Variants in TAX1BP3 observed in about 807,000 individuals in gnomAD.
TAX1BP3 encodes tax1-binding protein 3.
Under a neutral mutation model 15.3 loss-of-function variants are expected in TAX1BP3, and 13 were observed. The ratio of observed to expected loss-of-function variants is 0.85; its 90% CI spans 0.55 to 1.35. The LOEUF (loss-of-function observed/expected upper bound fraction) is 1.35, where lower values mean the gene tolerates loss of function less well. Ranked by LOEUF, TAX1BP3 falls within the 40% of genes most tolerant of loss-of-function variation. The probability of loss-of-function intolerance (pLI) is 0.00; values close to 1 mark genes in which losing one functional copy is unlikely to be tolerated. For missense variants in TAX1BP3, 147 were observed against 169.6 expected (o/e 0.87, Z 0.74); for synonymous variants, 70 against 66.0 (o/e 1.06, Z -0.30).
At chr17:3,665,022 GTTAGTC>G (rs2076323643) in intron 1 of TAX1BP3, among the ~76,000 whole-genome samples, 1 of 152,168 alleles carries the variant, frequency 6.6e-6, no homozygotes. Flanking sequence ...CACTTCCCCT[GTTAGTC>G]TTAGGCACTA....
rs375177174 is a variant in TAX1BP3 at position 3,664,679 on chromosome 17, C to A, written c.159G>T (p.Lys53Asn). 17 of 1,613,814 alleles carry A rather than the reference C, an allele frequency of 1.1e-5. No homozygotes were observed. The highest frequency in any genetic ancestry group is 1.3e-5 in the Non-Finnish European group (15 of 1,179,988). ...QNPFSEDKTDKGIYVTRVSEG... is the reference protein window; with the variant it reads ...QNPFSEDKTDNGIYVTRVSEG... ...GTCCCAGGACCCCAGACCCCCTCAC[C>A]TTGTCCGTCTTGTCTTCAGAGAAGG... Residue 53 changes from lysine to asparagine, a missense_variant and splice_region_variant, in exon 2 of 4, where the codon AAG (lysine) becomes AAT (asparagine). Transcript: ENST00000225525.
In TAX1BP3 at chr17:3,668,445, G is replaced by A. The variant is rs557933434; in HGVS notation, c.39+43C>T. 6 of 1,598,602 alleles carry A rather than the reference G, an allele frequency of 3.8e-6. No homozygotes were observed. The highest frequency in any genetic ancestry group is 5.1e-6 in the Non-Finnish European group (6 of 1,173,288). On this transcript the variant is annotated intron_variant, in intron 1 of 3. Coordinates refer to ENST00000225525, the MANE Select transcript of TAX1BP3 (RefSeq NM_014604.4). This position sits in a 1 kb window ranked among gnomAD's most constrained non-coding sequence, Gnocchi z 4.1. The stretch of plus-strand genomic sequence containing the variant: ...TGTCCGTTTCCCGCTCTGCGAGGTG[G>A]GGTCAGGCCAAGACGAGGAGGAGCC...
rs547177128 is a variant in TAX1BP3 at position 3,664,686 on chromosome 17, G to A, written c.152C>T (p.Thr51Met). 47 of 1,613,674 alleles carry A rather than the reference G, an allele frequency of 2.9e-5. No individual in the cohort carries two copies. Among genetic ancestry groups the A allele is most frequent in the African/African-American group, 6.7e-5 (5 of 75,030 alleles). The change falls in exon 2 of 4, where the codon ACG becomes ATG. Residue 51 changes from threonine (T) to methionine (M), a missense_variant. Thr to Met is a moderately conservative substitution (Grantham distance 81). Transcript: ENST00000225525. ...GACCCCAGACCCCCTCACCTTGTCCGTCTTGTCTTCAGAGAAGGGATTCTG... is the reference window on the plus strand; with the variant it reads ...GACCCCAGACCCCCTCACCTTGTCCATCTTGTCTTCAGAGAAGGGATTCTG... The part of the protein sequence containing the change: ...PSQNPFSEDK[T>M]DKGIYVTRVS...
rs547155693 is a variant in TAX1BP3, at chr17:3,668,026, G to A, written c.39+462C>T. Among the ~76,000 whole-genome samples, 1 of 152,266 alleles carries A rather than the reference G, an allele frequency of 6.6e-6. No homozygotes were observed. Among genetic ancestry groups the A allele is most frequent in the East Asian group, 1.9e-4 (1 of 5,206 alleles). On this transcript the variant is annotated intron_variant, in intron 1 of 3. Coordinates refer to ENST00000225525, the MANE Select transcript of TAX1BP3 (RefSeq NM_014604.4). The surrounding 1 kb of genome is among the most constrained non-coding windows in gnomAD (Gnocchi z 4.1). ...CAAGGCTGGACAGGAAGGGGGCAGGGGCTGCCACGGCAGGCTCGGGAGAGC... is the reference window on the plus strand; with the variant it reads ...CAAGGCTGGACAGGAAGGGGGCAGGAGCTGCCACGGCAGGCTCGGGAGAGC...
At position 3,668,476 on chromosome 17, in the gene TAX1BP3, A is replaced by T. The variant is rs909940641; in HGVS notation, c.39+12T>A. On this transcript the variant is annotated intron_variant, in intron 1 of 3. Transcript: ENST00000225525. The surrounding 1 kb of genome is among the most constrained non-coding windows in gnomAD (Gnocchi z 4.1). ...GGCCAAGACGAGGAGGAGCCCGCGC[A>T]AGCGCACTCACCACCACGGCGGTGA... is the stretch of plus-strand genomic sequence containing the variant. 6.2e-7 allele frequency: 1 copy of T among 1,608,192 alleles called. No individual in the cohort carries two copies.
intron 2 of TAX1BP3, 190 bp downstream of exon 2, chr17:3,664,489 G>T: frequency 1.0e-6 from 1 of 968,504 alleles, no homozygotes; most frequent in Non-Finnish European, 1.6e-6. Context: ...TGCTCCTCCT[G>T]GGCTCTGTCT....
Position 3,663,584 on chromosome 17 carries a change from A to C in TAX1BP3, c.*164T>G. ...AAGCCGGTCCCAGAGGCCCCAGGCC[A>C]GGGATGGGAGAAGGGAAGGAAGGCC... On this transcript the variant is annotated 3_prime_UTR_variant, in exon 4 of 4. Coordinates refer to ENST00000225525, the MANE Select transcript of TAX1BP3 (RefSeq NM_014604.4). 4.8e-6 allele frequency: 5 copies of C among 1,051,808 alleles called. No individual in the cohort carries two copies. The highest frequency in any genetic ancestry group is 2.8e-5 in the East Asian group (1 of 36,230). The allele number at this position is 1,051,808 out of a possible 1,614,324, so 65.2% of individuals were successfully genotyped here.
Position 3,663,671 on chromosome 17 carries a change from C to A in TAX1BP3, c.*77G>T. ...GCTGGGGCCCAGCGGTCAGCAGAAG[C>A]CAGATGGGGACAGAGTGTGGAAGTG... On this transcript the variant is annotated 3_prime_UTR_variant, in exon 4 of 4. Coordinates refer to ENST00000225525, the MANE Select transcript of TAX1BP3 (RefSeq NM_014604.4). The A allele has an allele frequency of 6.5e-7, 1 of 1,527,210 alleles. No homozygotes were observed. 94.6% of individuals were successfully genotyped at this position (1,527,210 alleles called of 1,614,324 possible).
chr17:3,663,511 C>T lies in TAX1BP3; in HGVS notation c.*237G>A. 1 of 493,198 alleles carries T rather than the reference C, an allele frequency of 2.0e-6. No homozygotes were observed. The highest frequency in any genetic ancestry group is 5.0e-5 in the South Asian group (1 of 20,042). The allele number at this position is 493,198 out of a possible 1,614,324, so 30.6% of individuals were successfully genotyped here. On this transcript the variant is annotated 3_prime_UTR_variant, in exon 4 of 4. Coordinates refer to ENST00000225525, the MANE Select transcript of TAX1BP3 (RefSeq NM_014604.4). The stretch of plus-strand genomic sequence containing the variant: ...GCCTGTGGTCACAGCAGACTGGCTA[C>T]TACTCAGCTCCAGGCCCTTATTTCC...
At chr17:3,665,168 A>G in intron 1 of TAX1BP3, 1 of 867,872 alleles carries the variant, frequency 1.2e-6, no homozygotes, top group Non-Finnish European at 1.9e-6. Flanking sequence ...TAGAAAGGAG[A>G]GGAAGGGGTT....
At chr17:3,666,442 A>G (rs1446242711) in intron 1 of TAX1BP3, among the ~76,000 whole-genome samples, 2 of 152,192 alleles carry the variant, frequency 1.3e-5, no homozygotes, top group African/African-American at 4.8e-5. Flanking sequence ...AGAGGAGTCA[A>G]GAGGAGCACC....
intron 3 of TAX1BP3, 39 bp from the exon 4 acceptor site, chr17:3,663,924 C>G: frequency 6.3e-7 from 1 of 1,586,108 alleles, no homozygotes; most frequent in Admixed American, 1.7e-5. Context: ...CTCAGCTCCC[C>G]GCCCTCTGGG....
chr17:3,663,486 G>C lies in TAX1BP3; in HGVS notation c.*262C>G, dbSNP rs907530837. 1.3e-5 allele frequency: 5 copies of C among 393,856 alleles called. No homozygotes were observed. Among genetic ancestry groups the C allele is most frequent in the Non-Finnish European group, 2.2e-5 (5 of 227,030 alleles). 24.4% of individuals were successfully genotyped at this position (393,856 alleles called of 1,614,324 possible). On this transcript the variant is annotated 3_prime_UTR_variant, in exon 4 of 4. Coordinates refer to ENST00000225525, the MANE Select transcript of TAX1BP3 (RefSeq NM_014604.4). ...GGCCAAGCAGCAGGGTCGGACCTGAGCCTGTGGTCACAGCAGACTGGCTAC... is the reference window on the plus strand; with the variant it reads ...GGCCAAGCAGCAGGGTCGGACCTGACCCTGTGGTCACAGCAGACTGGCTAC...
rs2076361130 is a variant in TAX1BP3, at chr17:3,668,075, G to T, written c.39+413C>A. Among the ~76,000 whole-genome samples, 1 of 152,260 alleles carries T rather than the reference G, an allele frequency of 6.6e-6. No individual in the cohort carries two copies. Among genetic ancestry groups the T allele is most frequent in the African/African-American group, 2.4e-5 (1 of 41,474 alleles). Reference sequence around the variant, plus strand: ...GCCCCACCCCCAGATCTCCCTCCGGGCGGCGGCGCAGGCTGCAGCGGAGGA... The same window carrying T: ...GCCCCACCCCCAGATCTCCCTCCGGTCGGCGGCGCAGGCTGCAGCGGAGGA... On this transcript the variant is annotated intron_variant, in intron 1 of 3. Transcript: ENST00000225525. This position sits in a 1 kb window ranked among gnomAD's most constrained non-coding sequence, Gnocchi z 4.1.
At chr17:3,664,477 CCTG>C in intron 2 of TAX1BP3, 199 bp downstream of exon 2, 1 of 937,172 alleles carries the variant, frequency 1.1e-6, no homozygotes, top group Non-Finnish European at 1.6e-6. Context: ...ATGGCCGCCT[CCTG>C]CTCCTCCTGG....
chr17:3,666,887 T>A (rs1254510570), intron 1 of TAX1BP3, among the ~76,000 whole-genome samples: 1 of 152,144 alleles, frequency 6.6e-6, no homozygotes, highest in Non-Finnish European at 1.5e-5. Flanking sequence ...GCCGGCACGG[T>A]CAGAAGATTA....
intron 1 of TAX1BP3, among the ~76,000 whole-genome samples, chr17:3,667,910 G>A (rs1367093582): frequency 6.6e-6 from 1 of 152,238 alleles, no homozygotes; most frequent in Non-Finnish European, 1.5e-5. Context: ...TGCCTTAAGG[G>A]CTGGAGACCC....
chr17:3,668,294 C>T lies in TAX1BP3; in HGVS notation c.39+194G>A, dbSNP rs2076363815. Among the ~76,000 whole-genome samples the T allele has an allele frequency of 6.6e-6, 1 of 152,208 alleles. No homozygotes were observed. Among genetic ancestry groups the T allele is most frequent in the African/African-American group, 2.4e-5 (1 of 41,464 alleles). ...TCTGTCCAGGGTCTCGGGAGGCTCT[C>T]GGGTCCCGGCCATCCCTGTTTCGTG... On this transcript the variant is annotated intron_variant, in intron 1 of 3. Transcript: ENST00000225525. This position sits in a 1 kb window ranked among gnomAD's most constrained non-coding sequence, Gnocchi z 4.1.
chr17:3,663,753 A>T lies in TAX1BP3; in HGVS notation c.370T>A (p.Ser124Thr). 6.2e-7 allele frequency: 1 copy of T among 1,603,554 alleles called. No homozygotes were observed. Among genetic ancestry groups the T allele is most frequent in the Non-Finnish European group, 8.5e-7 (1 of 1,178,630 alleles). Reference protein sequence around the residue: ...LQKAVQQSMLS With the variant: ...LQKAVQQSMLT ...GTCGCAGATGGTGGTGGCTGCTAGG[A>T]CAGCATGGACTGCTGCACGGCCTTC... Residue 124 changes from serine (S) to threonine (T), a missense_variant, in exon 4 of 4, where the codon TCC becomes ACC. Coordinates refer to ENST00000225525, the MANE Select transcript of TAX1BP3 (RefSeq NM_014604.4).
Sources: allele counts gnomAD v4.1 joint callset (sites outside exome capture counted in the v4.1 genomes callset), GRCh38; gene constraint gnomAD v4.1.1; non-coding constraint Gnocchi (gnomAD v3.1); transcripts MANE v1.5; gene names NCBI Gene and HGNC (gene_info 2026-07-23, HGNC 2026-07-21).